Variants in OR8K3 observed in about 807,000 individuals in gnomAD.
OR8K3 encodes olfactory receptor 8K3.
For missense variants in OR8K3, 448 were observed against 367.4 expected, an observed-to-expected ratio of 1.22 and a Z score of -1.79; for synonymous variants, 167 against 138.8, an observed-to-expected ratio of 1.20 and a Z score of -1.43.
At position 56,318,443 on chromosome 11, in the gene OR8K3, T is replaced by C. The variant is rs1854474042; in HGVS notation, c.137T>C (p.Ile46Thr). ...VISVMGNLGMIVLTKLDSRLQ... is the reference protein window; with the variant it reads ...VISVMGNLGMTVLTKLDSRLQ... ...TCAGTGATGGGCAATTTGGGCATGATTGTCCTCACCAAGTTGGACTCCAGG... is the reference window on the plus strand; with the variant it reads ...TCAGTGATGGGCAATTTGGGCATGACTGTCCTCACCAAGTTGGACTCCAGG... Residue 46 changes from isoleucine to threonine, a missense_variant, in exon 3 of 3, where the codon ATT (isoleucine) becomes ACT (threonine). Transcript: ENST00000641662. The C allele has an allele frequency of 3.1e-6, 5 of 1,614,132 alleles. No individual in the cohort carries two copies. Among genetic ancestry groups the C allele is most frequent in the Non-Finnish European group, 4.2e-6 (5 of 1,179,970 alleles).
At position 56,318,285 on chromosome 11, in the gene OR8K3, A is replaced by G. The variant is rs772450911; in HGVS notation, c.-22A>G. The G allele has an allele frequency of 1.9e-6, 3 of 1,565,528 alleles. No individual in the cohort carries two copies. On this transcript the variant is annotated splice_region_variant and 5_prime_UTR_variant, in exon 3 of 3. Coordinates refer to ENST00000641662, the MANE Select transcript of OR8K3 (RefSeq NM_001005202.2). ...TGACAATGCCGATGTCTCTATCAGAATAGGTTTTCTGATGAACCTGGATGG... is the reference window on the plus strand; with the variant it reads ...TGACAATGCCGATGTCTCTATCAGAGTAGGTTTTCTGATGAACCTGGATGG...
Position 56,318,727 on chromosome 11 carries a change from T to C in OR8K3, c.421T>C (p.Cys141Arg), listed in dbSNP as rs1253106707. The change falls in exon 3 of 3, where the codon TGT becomes CGT. Residue 141 changes from cysteine (C) to arginine (R), a missense_variant. Coordinates refer to ENST00000641662, the MANE Select transcript of OR8K3 (RefSeq NM_001005202.2). ...LYTVIMSRRV[C>R]QVLVAIPYLY... ...CACAGTAATCATGTCACGAAGGGTA[T>C]GTCAGGTGCTGGTAGCAATCCCTTA... The C allele has an allele frequency of 1.2e-6, 2 of 1,613,926 alleles. No homozygotes were observed. Among genetic ancestry groups the C allele is most frequent in the Admixed American group, 1.7e-5 (1 of 59,992 alleles).
rs751663359 is a variant in OR8K3, at chr11:56,318,463, T to A, written c.157T>A (p.Ser53Thr). The A allele has an allele frequency of 6.2e-7, 1 of 1,614,176 alleles. No homozygotes were observed. The highest frequency in any genetic ancestry group is 8.5e-7 in the Non-Finnish European group (1 of 1,180,014). ...LGMIVLTKLD[S>T]RLQTPMYFFL... is the part of the protein sequence containing the mutation. Reference sequence around the variant, plus strand: ...CATGATTGTCCTCACCAAGTTGGACTCCAGGTTGCAAACCCCTATGTACTT... The same window carrying A: ...CATGATTGTCCTCACCAAGTTGGACACCAGGTTGCAAACCCCTATGTACTT... Residue 53 changes from serine (S) to threonine (T), a missense_variant, in exon 3 of 3, where the codon TCC (serine) becomes ACC (threonine). Physicochemically the swap from Ser to Thr is moderately conservative, Grantham distance 58. Coordinates refer to ENST00000641662, the MANE Select transcript of OR8K3 (RefSeq NM_001005202.2).
In OR8K3 at chr11:56,319,865, CA is replaced by C. The variant is rs1186000560; in HGVS notation, c.*621del. The C allele has an allele frequency of 2.6e-5, 4 of 152,254 alleles. No individual in the cohort carries two copies. Among genetic ancestry groups the C allele is most frequent in the African/African-American group, 9.7e-5 (4 of 41,432 alleles). The allele number at this position is 152,254 out of a possible 1,614,324, so 9.4% of individuals were successfully genotyped here. Reference sequence around the variant, plus strand: ...TCCACATAGAAGTCTGTTAACCGAACATACTTTGTAGCTCAATAATCGGTAA... The same window carrying C: ...TCCACATAGAAGTCTGTTAACCGAACTACTTTGTAGCTCAATAATCGGTAA... On this transcript the variant is annotated 3_prime_UTR_variant, in exon 3 of 3. Transcript: ENST00000641662.
At chr11:56,316,283 A>T (rs1446135746) in intron 2 of OR8K3, among the ~76,000 whole-genome samples, 1 of 152,000 alleles carries the variant, frequency 6.6e-6, no homozygotes, top group Non-Finnish European at 1.5e-5. Flanking sequence ...ATTAAGTTCA[A>T]ATAATATGTA....
In OR8K3 at chr11:56,315,440, T is replaced by C. The variant is rs577409883; in HGVS notation, c.-82+273T>C. ...TCTTTGAAACATTATCATGATATTG[T>C]TTCTAAAGTATTCATTTTACATATT... is the stretch of plus-strand genomic sequence containing the variant. On this transcript the variant is annotated intron_variant, in intron 1 of 2. Transcript: ENST00000641662. 5.3e-5 allele frequency among the ~76,000 whole-genome samples: 8 copies of C among 152,310 alleles called. No individual in the cohort carries two copies. In the South Asian group the frequency reaches 1.5e-3, roughly 28 times the overall value.
At position 56,319,189 on chromosome 11, in the gene OR8K3, G is replaced by C. The variant is rs151106293; in HGVS notation, c.883G>C (p.Asp295His). The stretch of plus-strand genomic sequence containing the variant: ...CTTGATCTATAGTTTACGAAACAAA[G>C]ATGTAAAATATGCCCTACGAAGGAC... ...NPLIYSLRNK[D>H]VKYALRRTWN... The change falls in exon 3 of 3, where the codon GAT becomes CAT. Residue 295 changes from aspartate (D) to histidine (H), a missense_variant. Coordinates refer to ENST00000641662, the MANE Select transcript of OR8K3 (RefSeq NM_001005202.2). 45 of 1,612,962 alleles carry C rather than the reference G, an allele frequency of 2.8e-5. No homozygotes were observed. Among genetic ancestry groups the C allele is most frequent in the Non-Finnish European group, 3.7e-5 (44 of 1,179,096 alleles).
Position 56,316,027 on chromosome 11 carries a change from A to T in OR8K3, c.-54A>T, listed in dbSNP as rs1464232801. On this transcript the variant is annotated 5_prime_UTR_variant, in exon 2 of 3. Transcript: ENST00000641662. The stretch of plus-strand genomic sequence containing the variant: ...CTCCAAAGATGGTGAAAGGAACCTC[A>T]TTTATATTTCCTTACCTAACAAGAA... 2 of 152,052 alleles carry T rather than the reference A, an allele frequency of 1.3e-5. No individual in the cohort carries two copies. The highest frequency in any genetic ancestry group is 3.9e-4 in the East Asian group (2 of 5,186). 9.4% of individuals were successfully genotyped at this position (152,052 alleles called of 1,614,324 possible).
chr11:56,317,790 T>C (rs952597524), intron 2 of OR8K3, among the ~76,000 whole-genome samples: 1 of 151,580 alleles, frequency 6.6e-6, no homozygotes, highest in African/African-American at 2.4e-5. Flanking sequence ...TATACAGACA[T>C]GAATATCTGT....
rs976922800 is a variant in OR8K3, at chr11:56,318,304, T to C, written c.-3T>C. The C allele has an allele frequency of 6.2e-6, 10 of 1,606,234 alleles. No individual in the cohort carries two copies. The African/African-American group carries it at 1.3e-4, about 21-fold the overall frequency. On this transcript the variant is annotated 5_prime_UTR_variant, in exon 3 of 3. Coordinates refer to ENST00000641662, the MANE Select transcript of OR8K3 (RefSeq NM_001005202.2). ...ATCAGAATAGGTTTTCTGATGAACC[T>C]GGATGGAACAACACAATCTAACAAC...
intron 2 of OR8K3, among the ~76,000 whole-genome samples, chr11:56,317,391 C>T (rs940652921): frequency 6.6e-6 from 1 of 152,066 alleles, no homozygotes; most frequent in African/African-American, 2.4e-5. Flanking sequence ...AATAACCTTT[C>T]AAATATGACA....
rs774932469 is a variant in OR8K3 at position 56,318,486 on chromosome 11, CT to C, written c.186del (p.Leu63SerfsTer20). On this transcript the variant is annotated frameshift_variant, in exon 3 of 3. Transcript: ENST00000641662. LOFTEE classifies it low-confidence loss of function (END_TRUNC). ...ACTCCAGGTTGCAAACCCCTATGTA[CT>C]TTTTTCTCAGACATCTGGCTTTCAT... is the stretch of plus-strand genomic sequence containing the variant. ...LDSRLQTPMY[F>X]FLRHLAFMDL... 9 of 1,614,062 alleles carry C rather than the reference CT, an allele frequency of 5.6e-6. No individual in the cohort carries two copies. In the East Asian group the frequency reaches 6.7e-5, roughly 12 times the overall value.
chr11:56,315,226 A>G (rs1196532048), intron 1 of OR8K3, 59 bp downstream of exon 1: 2 of 152,066 alleles, frequency 1.3e-5, no homozygotes, highest in Non-Finnish European at 2.9e-5. Flanking sequence ...GATATCTATA[A>G]TGCTTCAGTG....
At chr11:56,317,998 T>C (rs1854467346) in intron 2 of OR8K3, among the ~76,000 whole-genome samples, 1 of 152,120 alleles carries the variant, frequency 6.6e-6, no homozygotes, top group Non-Finnish European at 1.5e-5. Flanking sequence ...CTTACTGGCT[T>C]CTAACCTTTA....
chr11:56,316,611 A>G (rs1854446583), intron 2 of OR8K3, among the ~76,000 whole-genome samples: 1 of 152,040 alleles, frequency 6.6e-6, no homozygotes, highest in African/African-American at 2.4e-5. Context: ...GCATGTTCAG[A>G]AAAGTTTTAA....
chr11:56,318,272 T>A lies in OR8K3; in HGVS notation c.-23-12T>A. The A allele has an allele frequency of 6.8e-7, 1 of 1,467,280 alleles. No individual in the cohort carries two copies. The highest frequency in any genetic ancestry group is 9.5e-7 in the Non-Finnish European group (1 of 1,057,564). 90.9% of individuals were successfully genotyped at this position (1,467,280 alleles called of 1,614,324 possible). A position where few individuals can be genotyped will look rare whatever the true frequency, so the allele number is the denominator to read the frequency against. On this transcript the variant is annotated splice_polypyrimidine_tract_variant and intron_variant, in intron 2 of 2. Transcript: ENST00000641662. The stretch of plus-strand genomic sequence containing the variant: ...AGAGGAAAGCTATTGACAATGCCGA[T>A]GTCTCTATCAGAATAGGTTTTCTGA...
rs1191897493 is a variant in OR8K3, at chr11:56,320,191, T to A, written c.*946T>A. ...CTGAGTTGACAATCCATAATTTTTA[T>A]CAATATGCACTATATCGAATGCACT... On this transcript the variant is annotated 3_prime_UTR_variant, in exon 3 of 3. Transcript: ENST00000641662. 2 of 152,238 alleles carry A rather than the reference T, an allele frequency of 1.3e-5. No homozygotes were observed. Among genetic ancestry groups the A allele is most frequent in the African/African-American group, 4.8e-5 (2 of 41,474 alleles). The allele number at this position is 152,238 out of a possible 1,614,324, so 9.4% of individuals were successfully genotyped here. A position where few individuals can be genotyped will look rare whatever the true frequency, so the allele number is the denominator to read the frequency against.
intron 2 of OR8K3, among the ~76,000 whole-genome samples, chr11:56,317,014 C>T (rs1161043124): frequency 6.6e-6 from 1 of 151,824 alleles, no homozygotes; most frequent in East Asian, 1.9e-4. Flanking sequence ...ATACCAATTA[C>T]CCAAGTTTAG....
rs1030063793 is a variant in OR8K3 at position 56,320,235 on chromosome 11, CTGTT to C, written c.*993_*996del. On this transcript the variant is annotated 3_prime_UTR_variant, in exon 3 of 3. Coordinates refer to ENST00000641662, the MANE Select transcript of OR8K3 (RefSeq NM_001005202.2). ...ATGCACTATATTTTCATTTACTTCA[CTGTT>C]TGATTGCATCAGTTGATTTTTCTAC... The C allele has an allele frequency of 5.9e-5, 9 of 152,136 alleles. No homozygotes were observed. The highest frequency in any genetic ancestry group is 2.2e-4 in the African/African-American group (9 of 41,436). The allele number at this position is 152,136 out of a possible 1,614,324, so 9.4% of individuals were successfully genotyped here. A position where few individuals can be genotyped will look rare whatever the true frequency, so the allele number is the denominator to read the frequency against.
Sources: gnomAD v4.1 joint callset for allele counts (sites outside exome capture counted in the v4.1 genomes callset) on GRCh38, gnomAD v4.1.1 for gene constraint, MANE v1.5 for transcripts, NCBI Gene and HGNC (gene_info 2026-07-23, HGNC 2026-07-21) for gene names.